The following PLPPR5 variants were observed in gnomAD, a reference collection of about 807,000 sequenced individuals.
PLPPR5 encodes phospholipid phosphatase-related protein type 5.
Under a neutral mutation model 33.9 loss-of-function variants are expected in PLPPR5, and 16 were observed. The observed-to-expected ratio is 0.47, with a 90% CI of 0.32 to 0.72. The LOEUF is 0.72. PLPPR5 is among the 30% of genes least tolerant of loss of function. PLPPR5 has a pLI of 0.03. For missense variants in PLPPR5, 301 were observed against 406.7 expected, an observed-to-expected ratio of 0.74 and a Z score of 2.23; for synonymous variants, 163 against 150.3, an observed-to-expected ratio of 1.08 and a Z score of -0.62.
chr1:98,951,992 G>T (rs1650800191), intron 3 of PLPPR5, among the ~76,000 whole-genome samples: 1 of 152,206 alleles, frequency 6.6e-6, no homozygotes, highest in African/African-American at 2.4e-5. Flanking sequence ...GCCGGGTGCA[G>T]CAGCTCACGC....
At chr1:98,978,435 C>A (rs966925769) in intron 1 of PLPPR5, among the ~76,000 whole-genome samples, 1 of 151,944 alleles carries the variant, frequency 6.6e-6, no homozygotes, top group African/African-American at 2.4e-5. Context: ...GCTCTCTTCA[C>A]GTGTTCATAA....
intron 4 of PLPPR5, among the ~76,000 whole-genome samples, chr1:98,916,688 C>T (rs1649365922): frequency 6.6e-6 from 1 of 152,160 alleles, no homozygotes; most frequent in Admixed American, 6.5e-5. Flanking sequence ...CTGACCACTG[C>T]TCTAAAATAC....
At chr1:98,960,376 G>A (rs1651193122) in intron 1 of PLPPR5, among the ~76,000 whole-genome samples, 3 of 151,878 alleles carry the variant, frequency 2.0e-5, no homozygotes, top group African/African-American at 4.8e-5. Context: ...GTTAATTTTT[G>A]TATTTTTAGT....
At chr1:98,979,422 C>T (rs1222038736) in intron 1 of PLPPR5, among the ~76,000 whole-genome samples, 2 of 152,032 alleles carry the variant, frequency 1.3e-5, no homozygotes, top group East Asian at 1.9e-4. Context: ...GTGAGCTATT[C>T]TCTAAGTGAT....
intron 3 of PLPPR5, among the ~76,000 whole-genome samples, chr1:98,936,755 T>C (rs1279698249): frequency 1.3e-5 from 2 of 152,272 alleles, no homozygotes; most frequent in African/African-American, 4.8e-5. Context: ...CAATCGATCC[T>C]ATGCTTTGTG....
intron 1 of PLPPR5, among the ~76,000 whole-genome samples, chr1:98,972,978 G>A (rs1344438613): frequency 2.6e-5 from 4 of 152,186 alleles, no homozygotes; most frequent in Middle Eastern, 3.4e-3. Flanking sequence ...AAGGGCAATC[G>A]TTGTGCAATC....
chr1:98,923,846 A>G (rs1385568143), intron 3 of PLPPR5, among the ~76,000 whole-genome samples: 1 of 152,202 alleles, frequency 6.6e-6, no homozygotes, highest in Non-Finnish European at 1.5e-5. Flanking sequence ...AGAATGTGTT[A>G]AAGAGTTCTG....
chr1:98,936,360 G>C (rs1401785371), intron 3 of PLPPR5, among the ~76,000 whole-genome samples: 2 of 152,186 alleles, frequency 1.3e-5, no homozygotes, highest in African/African-American at 4.8e-5. Context: ...GTCCTGTGCT[G>C]TGCAGATGCT....
rs1267038626 is a variant in PLPPR5, at chr1:98,984,028, C to T, written c.237+20407G>A. Reference sequence around the variant, plus strand: ...TCTTGTGCACTTAGGTAAGGGAGGCCTCAGGTTCCTGAGTCAGACAGAAAC... The same window carrying T: ...TCTTGTGCACTTAGGTAAGGGAGGCTTCAGGTTCCTGAGTCAGACAGAAAC... On this transcript the variant is annotated intron_variant, in intron 1 of 5. Transcript: ENST00000263177. 2.0e-5 allele frequency among the ~76,000 whole-genome samples: 3 copies of T among 151,530 alleles called. No homozygotes were observed. In the East Asian group the frequency reaches 5.8e-4, roughly 29 times the overall value.
intron 1 of PLPPR5, among the ~76,000 whole-genome samples, chr1:98,958,053 T>G (rs1164127741): frequency 6.6e-6 from 1 of 152,176 alleles, no homozygotes; most frequent in Non-Finnish European, 1.5e-5. Flanking sequence ...CAAGAAGAAA[T>G]TTCTCTCTAA....
Position 99,004,841 on chromosome 1 carries a change from G to T in PLPPR5, c.-170C>A. 1 of 285,124 alleles carries T rather than the reference G, an allele frequency of 3.5e-6. No individual in the cohort carries two copies. The highest frequency in any genetic ancestry group is 6.2e-6 in the Non-Finnish European group (1 of 160,562). 17.7% of individuals were successfully genotyped at this position (285,124 alleles called of 1,614,324 possible). ...GAGGAAGAGGCGGAGGCAGGTCCGG[G>T]CTTCGAGGCGCCGGCAGGCTGCAGA... On this transcript the variant is annotated 5_prime_UTR_variant, in exon 1 of 6. Coordinates refer to ENST00000263177, the MANE Select transcript of PLPPR5 (RefSeq NM_001037317.2).
chr1:98,910,085 A>G (rs1158315457), intron 5 of PLPPR5, among the ~76,000 whole-genome samples: 1 of 152,232 alleles, frequency 6.6e-6, no homozygotes, highest in Non-Finnish European at 1.5e-5. Context: ...TCAAACATGT[A>G]CTTTGAACAT....
chr1:98,990,698 C>T (rs1286004119), intron 1 of PLPPR5, among the ~76,000 whole-genome samples: 1 of 151,582 alleles, frequency 6.6e-6, no homozygotes, highest in Non-Finnish European at 1.5e-5. Flanking sequence ...TAAAGTAAAA[C>T]TAAAGACTTG....
intron 1 of PLPPR5, among the ~76,000 whole-genome samples, chr1:98,965,075 A>G (rs1007184847): frequency 1.3e-5 from 2 of 151,664 alleles, no homozygotes; most frequent in Non-Finnish European, 2.9e-5. Context: ...AGCCTCCCAA[A>G]GTGCTGGGAT....
At chr1:98,933,482 C>CAAAA (rs66504258) in intron 3 of PLPPR5, among the ~76,000 whole-genome samples, 6 of 89,300 alleles carry the variant, frequency 6.7e-5, no homozygotes, top group Admixed American at 1.3e-4. Context: ...GACTCCGTCT[C>CAAAA]AAAAAAAAAA....
intron 1 of PLPPR5, among the ~76,000 whole-genome samples, chr1:98,967,934 G>A (rs1188082753): frequency 6.6e-6 from 1 of 152,098 alleles, no homozygotes; most frequent in African/African-American, 2.4e-5. Flanking sequence ...TAAAGTAAAA[G>A]TCCTGACACT....
intron 3 of PLPPR5, among the ~76,000 whole-genome samples, chr1:98,922,283 T>C (rs1175238214): frequency 6.6e-6 from 1 of 152,228 alleles, no homozygotes; most frequent in Non-Finnish European, 1.5e-5. Flanking sequence ...CTCTTACAAA[T>C]GGCCAATTCT....
At chr1:98,926,295 G>C (rs549085516) in intron 3 of PLPPR5, among the ~76,000 whole-genome samples, 1 of 152,220 alleles carries the variant, frequency 6.6e-6, no homozygotes, top group East Asian at 1.9e-4. Flanking sequence ...GACCAGCCCA[G>C]AGTGCAGTTG....
intron 4 of PLPPR5, among the ~76,000 whole-genome samples, chr1:98,920,637 A>G (rs939222078): frequency 1.4e-5 from 2 of 143,428 alleles, no homozygotes; most frequent in Admixed American, 1.4e-4. Context: ...CATGGTGACT[A>G]CTTTACCGCA....
Sources: allele counts gnomAD v4.1 joint callset (sites outside exome capture counted in the v4.1 genomes callset), GRCh38; gene constraint gnomAD v4.1.1; transcripts MANE v1.5; gene names NCBI Gene and HGNC (gene_info 2026-07-23, HGNC 2026-07-21).